Variants in LHX2 observed in about 807,000 individuals in gnomAD.
LHX2 encodes LIM homeobox 2.
In LHX2, 6 loss-of-function variants were observed where a neutral mutation model predicts 33.0. That is an observed-to-expected ratio of 0.18 (90% CI 0.10 to 0.36). The LOEUF (loss-of-function observed/expected upper bound fraction) is 0.36. Among genes scored for constraint, LHX2 ranks in the 10% least tolerant of loss-of-function variants. The pLI is 1.00. For missense variants in LHX2, 442 were observed against 586.2 expected (o/e 0.75, Z 2.54); for synonymous variants, 292 against 253.1 (o/e 1.15, Z -1.46).
intron 4 of LHX2, among the ~76,000 whole-genome samples, chr9:124,030,447 G>A (rs778766363): frequency 1.3e-5 from 2 of 152,128 alleles, no homozygotes; most frequent in Non-Finnish European, 2.9e-5. Flanking sequence ...AAGTGAAGGG[G>A]CCCTGCCTTT....
intron 3 of LHX2, 41 bp from the exon 4 acceptor site, chr9:124,021,058 G>T (rs747147582): frequency 5.7e-6 from 9 of 1,592,412 alleles, no homozygotes; most frequent in African/African-American, 1.3e-5. Context: ...ATGGGGGGCG[G>T]GTCAGGAAGT....
chr9:124,014,026 C>T lies in LHX2; in HGVS notation c.186C>T (p.Asp62=). ...CCGGCTGCGGGGGCAAGATCTCGGACCGCTACTACCTGCTGGCGGTGGACA... is the reference window on the plus strand; with the variant it reads ...CCGGCTGCGGGGGCAAGATCTCGGATCGCTACTACCTGCTGGCGGTGGACA... ...LCAGCGGKIS[D]RYYLLAVDKQ... Residue 62 remains aspartate, a synonymous_variant, in exon 2 of 5, where the codon GAC becomes GAT. Transcript: ENST00000373615. This position sits in a 1 kb window ranked among gnomAD's most constrained non-coding sequence, Gnocchi z 4.8. 1 of 1,613,632 alleles carries T rather than the reference C, an allele frequency of 6.2e-7. No homozygotes were observed. Among genetic ancestry groups the T allele is most frequent in the Non-Finnish European group, 8.5e-7 (1 of 1,180,032 alleles).
intron 3 of LHX2, among the ~76,000 whole-genome samples, chr9:124,019,853 T>A (rs957172425): frequency 6.6e-6 from 1 of 151,892 alleles, no homozygotes; most frequent in South Asian, 2.1e-4. Flanking sequence ...GCTCGGGAGG[T>A]GCCATGAGGA....
intron 4 of LHX2, among the ~76,000 whole-genome samples, chr9:124,026,084 C>T (rs1445560199): frequency 6.6e-6 from 1 of 152,240 alleles, no homozygotes; most frequent in African/African-American, 2.4e-5. Flanking sequence ...CCTCTGGCCA[C>T]TCACTTGTTT....
At position 124,015,535 on chromosome 9, in the gene LHX2, C is replaced by A; in HGVS notation, c.727+10C>A. The A allele has an allele frequency of 2.8e-6, 4 of 1,454,210 alleles. No homozygotes were observed. The highest frequency in any genetic ancestry group is 3.6e-6 in the Non-Finnish European group (4 of 1,102,276). The allele number at this position is 1,454,210 out of a possible 1,614,324, so 90.1% of individuals were successfully genotyped here. On this transcript the variant is annotated intron_variant, in intron 3 of 4. Transcript: ENST00000373615. This position sits in a 1 kb window ranked among gnomAD's most constrained non-coding sequence, Gnocchi z 7.9. ...GCGGCCTACAACGCTGGTGAGTGCG[C>A]GGCGCACGAAGCGCCCCCATAGGGT...
chr9:124,023,382 T>C (rs1329864277), intron 4 of LHX2, among the ~76,000 whole-genome samples: 1 of 152,204 alleles, frequency 6.6e-6, no homozygotes, highest in East Asian at 1.9e-4. Flanking sequence ...TTCAAAGCCC[T>C]CCTGGGCATA....
rs569092072 is a variant in LHX2, at chr9:124,014,206, A to G, written c.323+43A>G. ...CTGCCCCTCAGGACCCCTCCCCCCA[A>G]TCTCAGGCACAGTCTTACAGTTTGG... On this transcript the variant is annotated intron_variant, in intron 2 of 4. Coordinates refer to ENST00000373615, the MANE Select transcript of LHX2 (RefSeq NM_004789.4). The surrounding 1 kb of genome is among the most constrained non-coding windows in gnomAD (Gnocchi z 4.8). 3.6e-4 allele frequency: 416 copies of G among 1,146,948 alleles called. 3 individuals are homozygous for G. The highest frequency in any genetic ancestry group is 3.1e-3 in the South Asian group (249 of 80,372). 71.0% of individuals were successfully genotyped at this position (1,146,948 alleles called of 1,614,324 possible).
Position 124,015,242 on chromosome 9 carries a change from G to C in LHX2, c.444G>C (p.Lys148Asn), listed in dbSNP as rs781712063. 100 of 1,614,084 alleles carry C rather than the reference G, an allele frequency of 6.2e-5. No homozygotes were observed. The Admixed American group carries it at 1.4e-3, about 23-fold the overall frequency. ...GCTTCACGTGCACCACGTGTAACAAGATGCTGACCACGGGCGACCACTTCG... is the reference window on the plus strand; with the variant it reads ...GCTTCACGTGCACCACGTGTAACAACATGCTGACCACGGGCGACCACTTCG... ...LNCFTCTTCN[K>N]MLTTGDHFGM... The change falls in exon 3 of 5, where the codon AAG (lysine) becomes AAC (asparagine). Residue 148 changes from lysine to asparagine, a missense_variant. Around this residue, in one of 5 missense-constraint regions of LHX2, gnomAD observed 72 missense variants for 171.6 expected, o/e 0.42. Coordinates refer to ENST00000373615, the MANE Select transcript of LHX2 (RefSeq NM_004789.4). This position sits in a 1 kb window ranked among gnomAD's most constrained non-coding sequence, Gnocchi z 7.9.
intron 4 of LHX2, among the ~76,000 whole-genome samples, chr9:124,026,782 C>T (rs1037172262): frequency 2.0e-5 from 3 of 152,128 alleles, no homozygotes; most frequent in South Asian, 2.1e-4. Flanking sequence ...AAATGGTAGA[C>T]GTGCTAGGTA....
chr9:124,015,778 G>T lies in LHX2; in HGVS notation c.727+253G>T, dbSNP rs1262501823. On this transcript the variant is annotated intron_variant, in intron 3 of 4. Transcript: ENST00000373615. The surrounding 1 kb of genome is among the most constrained non-coding windows in gnomAD (Gnocchi z 7.9). ...GTCTCTGATAAATTGTTTTTTTGGA[G>T]ATGGCTTTTTGGTTTGGGCCTTTGC... 6.6e-6 allele frequency among the ~76,000 whole-genome samples: 1 copy of T among 152,270 alleles called. No individual in the cohort carries two copies. The highest frequency in any genetic ancestry group is 2.4e-5 in the African/African-American group (1 of 41,474).
chr9:124,013,051 C>G (rs1280025494), intron 1 of LHX2, among the ~76,000 whole-genome samples: 1 of 152,174 alleles, frequency 6.6e-6, no homozygotes, highest in Non-Finnish European at 1.5e-5. Context: ...CCGGCCTGGC[C>G]CTCGCCGAAG....
intron 4 of LHX2, among the ~76,000 whole-genome samples, chr9:124,028,211 T>C (rs1828655760): frequency 6.6e-6 from 1 of 152,114 alleles, no homozygotes; most frequent in Non-Finnish European, 1.5e-5. Context: ...CATGGTCAGG[T>C]AGTGCCTGGG....
rs1483221659 is a variant in LHX2 at position 124,016,173 on chromosome 9, G to A, written c.727+648G>A. Among the ~76,000 whole-genome samples the A allele has an allele frequency of 6.6e-6, 1 of 151,948 alleles. No individual in the cohort carries two copies. The highest frequency in any genetic ancestry group is 1.9e-4 in the East Asian group (1 of 5,180). On this transcript the variant is annotated intron_variant, in intron 3 of 4. Coordinates refer to ENST00000373615, the MANE Select transcript of LHX2 (RefSeq NM_004789.4). This position sits in a 1 kb window ranked among gnomAD's most constrained non-coding sequence, Gnocchi z 4.4. ...TGCTGGGGTGAGGGCCGTGACCCTC[G>A]GAAGCGAGCCCCCCGGGCGGGGACG...
At chr9:124,030,130 C>T (rs979431119) in intron 4 of LHX2, among the ~76,000 whole-genome samples, 1 of 152,246 alleles carries the variant, frequency 6.6e-6, no homozygotes, top group Non-Finnish European at 1.5e-5. Flanking sequence ...TTGGTTTCTC[C>T]ACTTCACAGG....
At chr9:124,021,603 AGTTTCT>A (rs1362244646) in intron 4 of LHX2, among the ~76,000 whole-genome samples, 6 of 151,626 alleles carry the variant, frequency 4.0e-5, no homozygotes, top group Non-Finnish European at 8.8e-5. Context: ...AACAATTCTT[AGTTTCT>A]GTTTATTATT....
Position 124,014,438 on chromosome 9 carries a change from T to G in LHX2, c.323+275T>G, listed in dbSNP as rs1859150757. Among the ~76,000 whole-genome samples the G allele has an allele frequency of 2.0e-5, 3 of 152,204 alleles. No individual in the cohort carries two copies. The highest frequency in any genetic ancestry group is 4.2e-4 in the South Asian group (2 of 4,812). On this transcript the variant is annotated intron_variant, in intron 2 of 4. Transcript: ENST00000373615. This position sits in a 1 kb window ranked among gnomAD's most constrained non-coding sequence, Gnocchi z 4.8. ...TCGGAGCTTAGACCACAAAAAAGCT[T>G]GAGTTGGGATCCTTGCTCCCCTCTC... is the stretch of plus-strand genomic sequence containing the variant.
intron 1 of LHX2, among the ~76,000 whole-genome samples, chr9:124,013,055 G>A (rs1859121019): frequency 6.6e-6 from 1 of 152,152 alleles, no homozygotes; most frequent in Admixed American, 6.5e-5. Flanking sequence ...CCTGGCCCTC[G>A]CCGAAGGAGA....
chr9:124,015,298 T>C lies in LHX2; in HGVS notation c.500T>C (p.Leu167Ser). The change falls in exon 3 of 5, where the codon TTG becomes TCG. Residue 167 changes from leucine to serine, a missense_variant. Coordinates refer to ENST00000373615, the MANE Select transcript of LHX2 (RefSeq NM_004789.4). The surrounding 1 kb of genome is among the most constrained non-coding windows in gnomAD (Gnocchi z 7.9). ...GMKDSLVYCR[L>S]HFEALLQGEY... is the part of the protein sequence containing the mutation. ...AAGGACAGCCTGGTCTACTGCCGCT[T>C]GCACTTCGAGGCGCTGCTGCAGGGC... 1 of 1,614,076 alleles carries C rather than the reference T, an allele frequency of 6.2e-7. No individual in the cohort carries two copies. The highest frequency in any genetic ancestry group is 8.5e-7 in the Non-Finnish European group (1 of 1,180,044).
chr9:124,029,692 C>T (rs1420941157), intron 4 of LHX2, among the ~76,000 whole-genome samples: 2 of 152,212 alleles, frequency 1.3e-5, no homozygotes, highest in Non-Finnish European at 2.9e-5. Context: ...CCCGGCAAAG[C>T]ACCCTCAAAC....
Sources: allele counts gnomAD v4.1 joint callset (sites outside exome capture counted in the v4.1 genomes callset), GRCh38; gene constraint gnomAD v4.1.1; regional missense constraint gnomAD v4.1.1; non-coding constraint Gnocchi (gnomAD v3.1); transcripts MANE v1.5; gene names NCBI Gene and HGNC (gene_info 2026-07-23, HGNC 2026-07-21).